The following CTNNA2 variants were observed in gnomAD, a reference collection of about 807,000 sequenced individuals.
CTNNA2 encodes the protein catenin alpha-2.
CTNNA2 carries 42 observed loss-of-function variants against 101.0 expected under a neutral mutation model. That is an observed-to-expected ratio of 0.42 (90% CI 0.32 to 0.54). The LOEUF (loss-of-function observed/expected upper bound fraction) is 0.54. CTNNA2 is among the 20% of genes least tolerant of loss of function. The probability of loss-of-function intolerance (pLI) is 0.14; values close to 1 mark genes in which losing one functional copy is unlikely to be tolerated. For synonymous variants in CTNNA2, 450 were observed against 456.4 expected, an observed-to-expected ratio of 0.99 and a Z score of 0.18; for missense variants, 871 against 1,223.1, an observed-to-expected ratio of 0.71 and a Z score of 4.29.
At chr2:79,814,105 C>G (rs1677269559) in intron 3 of CTNNA2, among the ~76,000 whole-genome samples, 1 of 152,142 alleles carries the variant, frequency 6.6e-6, no homozygotes, top group South Asian at 2.1e-4. Context: ...GACTAGGGGA[C>G]CACCCTAACC....
chr2:80,311,066 A>G (rs1677530062), intron 7 of CTNNA2, among the ~76,000 whole-genome samples: 1 of 152,086 alleles, frequency 6.6e-6, no homozygotes, highest in African/African-American at 2.4e-5. Context: ...CCAGAGATGA[A>G]CTATTAAGTT....
At chr2:79,762,115 G>A (rs1351595390) in intron 3 of CTNNA2, among the ~76,000 whole-genome samples, 1 of 152,106 alleles carries the variant, frequency 6.6e-6, no homozygotes, top group Non-Finnish European at 1.5e-5. Flanking sequence ...TAATTTCTCA[G>A]CTAGGAAACA....
At chr2:80,492,773 T>TAC (rs1304048620) in intron 9 of CTNNA2, among the ~76,000 whole-genome samples, 2 of 152,206 alleles carry the variant, frequency 1.3e-5, no homozygotes, top group African/African-American at 4.8e-5. Context: ...TGCTTTGCCC[T>TAC]ACCAGCCTTG....
At chr2:80,398,005 G>T (rs552793489) in intron 8 of CTNNA2, among the ~76,000 whole-genome samples, 6 of 152,170 alleles carry the variant, frequency 3.9e-5, no homozygotes, top group Non-Finnish European at 8.8e-5. Context: ...TTGGTGGCAC[G>T]AATGCACTGT....
At chr2:79,312,838 A>G (rs1036431067) in intron 3 of CTNNA2, 4 of 152,212 alleles carry the variant, frequency 2.6e-5, no homozygotes, top group African/African-American at 4.8e-5. Context: ...GGATTTTACT[A>G]GCTTATATCC....
At chr2:79,535,762 A>G (rs1673017552) in intron 1 of CTNNA2, among the ~76,000 whole-genome samples, 1 of 152,168 alleles carries the variant, frequency 6.6e-6, no homozygotes, top group East Asian at 1.9e-4. Context: ...CAAGGTGCTT[A>G]GAAGGTATTC....
In CTNNA2 at chr2:79,583,670, A is replaced by G. The variant is rs374389476; in HGVS notation, c.-5-67882A>G. Among the ~76,000 whole-genome samples the G allele has an allele frequency of 5.3e-5, 8 of 152,158 alleles. No individual in the cohort carries two copies. The East Asian group carries it at 1.2e-3, about 22-fold the overall frequency. ...CATATACGATCATTTCAATTGCTCTACATCTTTGCCAGTACTTGTTATTTT... is the reference window on the plus strand; with the variant it reads ...CATATACGATCATTTCAATTGCTCTGCATCTTTGCCAGTACTTGTTATTTT... On this transcript the variant is annotated intron_variant, in intron 1 of 18. Coordinates refer to ENST00000402739, the MANE Select transcript of CTNNA2 (RefSeq NM_001282597.3).
intron 2 of CTNNA2, among the ~76,000 whole-genome samples, chr2:79,209,761 A>AG (rs1674146265): frequency 3.3e-5 from 1 of 30,516 alleles, no homozygotes; most frequent in African/African-American, 6.7e-4. Flanking sequence ...GTCCTTGAAG[A>AG]TTTTGCCCAA....
At chr2:79,527,576 C>G (rs560176885) in intron 1 of CTNNA2, among the ~76,000 whole-genome samples, 55 of 149,820 alleles carry the variant, frequency 3.7e-4, no homozygotes, top group African/African-American at 1.3e-3. Flanking sequence ...ACCCAGGAGG[C>G]GGAGGCTGCA....
At chr2:79,907,669 C>T (rs1422466884) in intron 6 of CTNNA2, among the ~76,000 whole-genome samples, 1 of 152,170 alleles carries the variant, frequency 6.6e-6, no homozygotes, top group African/African-American at 2.4e-5. Context: ...GTAAAGTAAA[C>T]ATCCCTTTTT....
chr2:80,368,774 C>CA (rs542151462), intron 7 of CTNNA2, among the ~76,000 whole-genome samples: 9,704 of 85,968 alleles, frequency 0.11, 844 homozygotes, highest in African/African-American at 0.3. Context: ...CCATTTTTAG[C>CA]AAAAAAAAAA....
At chr2:80,475,555 T>A (rs1436857333) in intron 9 of CTNNA2, among the ~76,000 whole-genome samples, 1 of 152,160 alleles carries the variant, frequency 6.6e-6, no homozygotes, top group African/African-American at 2.4e-5. Context: ...CATCAGGAAA[T>A]CTGCTATTCT....
At chr2:80,603,396 C>A (rs1404121395) in intron 15 of CTNNA2, among the ~76,000 whole-genome samples, 1 of 152,018 alleles carries the variant, frequency 6.6e-6, no homozygotes, top group Non-Finnish European at 1.5e-5. Context: ...CATTTACTGT[C>A]ACTCAGTGCT....
chr2:80,544,471 C>T lies in CTNNA2; in HGVS notation c.1291-511C>T, dbSNP rs564808960. On this transcript the variant is annotated intron_variant, in intron 9 of 18. Coordinates refer to ENST00000402739, the MANE Select transcript of CTNNA2 (RefSeq NM_001282597.3). ...TTACATTGCTCATAACAGCTGGCCT[C>T]TAATAATATTTGAGTTGGCTATTAG... is the stretch of plus-strand genomic sequence containing the variant. Among the ~76,000 whole-genome samples the T allele has an allele frequency of 3.7e-4, 56 of 152,128 alleles. 1 individual carries two copies. Among genetic ancestry groups the T allele is most frequent in the Non-Finnish European group, 1.8e-4 (12 of 68,014 alleles).
At chr2:79,447,050 T>C (rs1180966678) in intron 4 of CTNNA2, among the ~76,000 whole-genome samples, 1 of 152,066 alleles carries the variant, frequency 6.6e-6, no homozygotes, top group Non-Finnish European at 1.5e-5. Flanking sequence ...CCAGTGTACT[T>C]ATAGGATCCA....
intron 17 of CTNNA2, among the ~76,000 whole-genome samples, chr2:80,617,302 T>TAA (rs3836005): frequency 6.6e-6 from 1 of 151,246 alleles, no homozygotes; most frequent in African/African-American, 2.4e-5. Context: ...GAGATTGTTA[T>TAA]AAAAAATCAA....
chr2:79,222,810 A>G (rs1319053019), intron 2 of CTNNA2, among the ~76,000 whole-genome samples: 1 of 152,010 alleles, frequency 6.6e-6, no homozygotes. Flanking sequence ...AGGTGATTAG[A>G]TCAGAAGGGT....
intron 4 of CTNNA2, among the ~76,000 whole-genome samples, chr2:79,430,063 A>C (rs1296449908): frequency 6.6e-6 from 1 of 152,144 alleles, no homozygotes; most frequent in Non-Finnish European, 1.5e-5. Context: ...ACAGAAGCGG[A>C]GGAGGACAAG....
intron 2 of CTNNA2, among the ~76,000 whole-genome samples, chr2:79,305,378 A>ATATGTG (rs1008064137): frequency 4.0e-5 from 6 of 148,260 alleles, no homozygotes; most frequent in East Asian, 2.0e-4. Context: ...ATACACATAT[A>ATATGTG]TATATATATA....
Sources: gnomAD v4.1 joint callset for allele counts (sites outside exome capture counted in the v4.1 genomes callset) on GRCh38, gnomAD v4.1.1 for gene constraint, MANE v1.5 for transcripts, NCBI Gene and HGNC (gene_info 2026-07-23, HGNC 2026-07-21) for gene names.